The following MCTP2 variants were observed in gnomAD, a reference collection of about 807,000 sequenced individuals.
MCTP2 encodes multiple C2 and transmembrane domain-containing protein 2.
MCTP2 carries 132 observed loss-of-function variants against 111.6 expected under a neutral mutation model. That is an observed-to-expected ratio of 1.18 (90% CI 1.03 to 1.37). The LOEUF (loss-of-function observed/expected upper bound fraction) is 1.37. Among genes scored for constraint, MCTP2 ranks in the 40% most tolerant of loss-of-function variants. The probability of loss-of-function intolerance (pLI) is 0.00; values close to 1 mark genes in which losing one functional copy is unlikely to be tolerated. For missense variants in MCTP2, 1,183 were observed against 1,067.9 expected, an observed-to-expected ratio of 1.11 and a Z score of -1.50; for synonymous variants, 395 against 387.7, an observed-to-expected ratio of 1.02 and a Z score of -0.22.
In MCTP2 at chr15:94,361,167, C is replaced by T. The variant is rs546864985; in HGVS notation, c.1301+2555C>T. On this transcript the variant is annotated intron_variant, in intron 10 of 22. Transcript: ENST00000357742. ...CTTCATTCTAAGGCCCAGCTATTTT[C>T]CAACTGTTGGGAAAAACCTTTTTGC... Among the ~76,000 whole-genome samples the T allele has an allele frequency of 5.2e-5, 6 of 116,162 alleles. No homozygotes were observed. The Admixed American group carries it at 7.0e-4, about 14-fold the overall frequency. The allele number at this position is 116,162 out of a possible 152,430, so 76.2% of individuals were successfully genotyped here. A position where few individuals can be genotyped will look rare whatever the true frequency, so the allele number is the denominator to read the frequency against.
intron 8 of MCTP2, 48 bp from the exon 9 acceptor site, chr15:94,356,089 T>G (rs1567511287): frequency 6.4e-6 from 9 of 1,410,364 alleles, no homozygotes; most frequent in Non-Finnish European, 8.4e-6. Context: ...AAAGTCACTC[T>G]CAGGAATTAG....
chr15:94,325,760 C>T (rs908426463), intron 4 of MCTP2, among the ~76,000 whole-genome samples: 1 of 151,024 alleles, frequency 6.6e-6, no homozygotes, highest in African/African-American at 2.4e-5. Context: ...TTGACGAAGG[C>T]ACACCACTAG....
intron 1 of MCTP2, among the ~76,000 whole-genome samples, chr15:94,241,655 TA>T (rs1428130368): frequency 1.3e-5 from 2 of 152,276 alleles, no homozygotes; most frequent in Admixed American, 1.3e-4. Context: ...CAGATATATA[TA>T]TTTTTTTTCT....
At chr15:94,384,242 T>A in intron 13 of MCTP2, 118 bp downstream of exon 13, 1 of 631,754 alleles carries the variant, frequency 1.6e-6, no homozygotes, top group Admixed American at 3.0e-5. Flanking sequence ...GTTTTTTTCT[T>A]TTGAAAACCT....
At chr15:94,358,692 G>T in intron 10 of MCTP2, 80 bp downstream of exon 10, 1 of 1,527,818 alleles carries the variant, frequency 6.5e-7, no homozygotes, top group South Asian at 1.2e-5. Context: ...TATCTGTTAG[G>T]GCTGAGGGCA....
At chr15:94,243,238 C>T (rs538044975) in intron 1 of MCTP2, among the ~76,000 whole-genome samples, 77 of 147,092 alleles carry the variant, frequency 5.2e-4, no homozygotes, top group African/African-American at 1.6e-3. Context: ...CGTACATACA[C>T]ATGCGTATAT....
intron 12 of MCTP2, among the ~76,000 whole-genome samples, chr15:94,381,799 CTA>C (rs1434081088): frequency 6.6e-6 from 1 of 152,180 alleles, no homozygotes; most frequent in Non-Finnish European, 1.5e-5. Flanking sequence ...TGGTGTTGTT[CTA>C]TGTTGGTAGG....
intron 8 of MCTP2, among the ~76,000 whole-genome samples, chr15:94,347,456 C>T (rs1196027371): frequency 6.6e-6 from 1 of 152,072 alleles, no homozygotes; most frequent in Non-Finnish European, 1.5e-5. Context: ...CAGATAATTG[C>T]TTCTTAATGC....
chr15:94,405,196 A>T (rs1293805833), intron 17 of MCTP2, among the ~76,000 whole-genome samples: 1 of 152,226 alleles, frequency 6.6e-6, no homozygotes, highest in Non-Finnish European at 1.5e-5. Context: ...ACAGGAAGTG[A>T]TGCTAACACA....
intron 1 of MCTP2, among the ~76,000 whole-genome samples, chr15:94,246,260 G>A (rs1429330078): frequency 3.3e-5 from 5 of 152,210 alleles, no homozygotes; most frequent in Non-Finnish European, 5.9e-5. Flanking sequence ...ATTTGGAGCT[G>A]AGCCAATGGT....
Position 94,480,312 on chromosome 15 carries a change from G to A in MCTP2, c.*1278G>A, listed in dbSNP as rs1204468015. The A allele has an allele frequency of 6.6e-6, 1 of 150,830 alleles. No individual in the cohort carries two copies. Among genetic ancestry groups the A allele is most frequent in the Non-Finnish European group, 1.5e-5 (1 of 67,928 alleles). 9.3% of individuals were successfully genotyped at this position (150,830 alleles called of 1,614,324 possible). The stretch of plus-strand genomic sequence containing the variant: ...GGTTAAAAAGATCTCATTTAATAGT[G>A]AGTTCACTATTTTTTTTTTTTTGTC... On this transcript the variant is annotated 3_prime_UTR_variant, in exon 23 of 23. Transcript: ENST00000357742.
chr15:94,336,484 GC>G (rs1344936729), intron 4 of MCTP2, among the ~76,000 whole-genome samples: 2 of 152,088 alleles, frequency 1.3e-5, no homozygotes, highest in African/African-American at 2.4e-5. Context: ...TCAGCATGGA[GC>G]CACACTCGGA....
At chr15:94,328,136 T>TC (rs896284724) in intron 4 of MCTP2, among the ~76,000 whole-genome samples, 4 of 151,182 alleles carry the variant, frequency 2.6e-5, no homozygotes, top group South Asian at 2.1e-4. Context: ...CTTTTCTTTT[T>TC]TTTTTTTTTG....
chr15:94,340,206 A>G lies in MCTP2; in HGVS notation c.788A>G (p.Asp263Gly). The change falls in exon 6 of 23, where the codon GAT (aspartate) becomes GGT (glycine). Residue 263 changes from aspartate to glycine, a missense_variant. Physicochemically the swap from Asp to Gly is moderately conservative, Grantham distance 94. Coordinates refer to ENST00000357742, the MANE Select transcript of MCTP2 (RefSeq NM_001385001.1). ...LDQKLRVKVYDRDLTTSDFMG... is the reference protein window; with the variant it reads ...LDQKLRVKVYGRDLTTSDFMG... ...CCTCTGTCCTCTTTGTAGGTATATG[A>G]TCGAGATTTAACCACATCTGATTTC... 6.2e-7 allele frequency: 1 copy of G among 1,611,642 alleles called. No homozygotes were observed. The highest frequency in any genetic ancestry group is 8.5e-7 in the Non-Finnish European group (1 of 1,177,976).
At chr15:94,409,676 T>A (rs1458661243) in intron 17 of MCTP2, among the ~76,000 whole-genome samples, 1 of 151,980 alleles carries the variant, frequency 6.6e-6, no homozygotes, top group East Asian at 1.9e-4. Context: ...TACCACCTTC[T>A]TCAGGCTTGC....
At position 94,461,687 on chromosome 15, in the gene MCTP2, C is replaced by T. The variant is rs2085218985; in HGVS notation, c.2360+3441C>T. Among the ~76,000 whole-genome samples the T allele has an allele frequency of 2.6e-5, 4 of 152,018 alleles. No individual in the cohort carries two copies. The South Asian group carries it at 8.3e-4, about 32-fold the overall frequency. On this transcript the variant is annotated intron_variant, in intron 20 of 22. Transcript: ENST00000357742. ...GATGTTCCAGGGTAAAGCTTAGAAGCCACCTTCATAAGAAGTAGAACTGCC... is the reference window on the plus strand; with the variant it reads ...GATGTTCCAGGGTAAAGCTTAGAAGTCACCTTCATAAGAAGTAGAACTGCC...
chr15:94,293,604 G>A (rs1299351582), intron 1 of MCTP2, among the ~76,000 whole-genome samples: 1 of 152,218 alleles, frequency 6.6e-6, no homozygotes, highest in Non-Finnish European at 1.5e-5. Flanking sequence ...CCAGCAGTCT[G>A]TCCACTGCAG....
At chr15:94,243,428 C>T (rs529287940) in intron 1 of MCTP2, among the ~76,000 whole-genome samples, 5 of 147,078 alleles carry the variant, frequency 3.4e-5, no homozygotes, top group South Asian at 2.1e-4. Context: ...TGCGTATATG[C>T]GTATGTACAT....
intron 14 of MCTP2, among the ~76,000 whole-genome samples, chr15:94,389,665 C>T (rs2080755336): frequency 6.6e-6 from 1 of 151,890 alleles, no homozygotes; most frequent in South Asian, 2.1e-4. Flanking sequence ...TGGTGTTTCT[C>T]TCTGATCTTT....
Sources: gnomAD v4.1 joint callset for allele counts (sites outside exome capture counted in the v4.1 genomes callset) on GRCh38, gnomAD v4.1.1 for gene constraint, MANE v1.5 for transcripts, NCBI Gene and HGNC (gene_info 2026-07-23, HGNC 2026-07-21) for gene names.